PCSK5: variants seen among roughly 807,000 people sequenced by gnomAD.
PCSK5 encodes proprotein convertase subtilisin/kexin type 5.
In PCSK5, 129 loss-of-function variants were observed where a neutral mutation model predicts 233.2. The ratio of observed to expected loss-of-function variants is 0.55; its 90% confidence interval spans 0.48 to 0.64. The LOEUF is 0.64. Ranked by LOEUF, PCSK5 falls within the 30% of genes least tolerant of loss-of-function variation. PCSK5 has a pLI of 0.00. For synonymous variants in PCSK5, 825 were observed against 879.2 expected (o/e 0.94, Z 1.09); for missense variants, 2,076 against 2,430.1 (o/e 0.85, Z 3.06).
intron 5 of PCSK5, among the ~76,000 whole-genome samples, chr9:76,066,739 C>T (rs1384052531): frequency 2.0e-5 from 3 of 152,034 alleles, no homozygotes; most frequent in African/African-American, 7.2e-5. Context: ...TTTATGTAAA[C>T]TTGCATGTGT....
chr9:76,131,619 C>T (rs1312091195), intron 9 of PCSK5, among the ~76,000 whole-genome samples: 1 of 152,096 alleles, frequency 6.6e-6, no homozygotes, highest in East Asian at 1.9e-4. Context: ...CAGGAGGCTT[C>T]CTGAATCTGC....
chr9:76,013,382 T>C (rs536124381), intron 3 of PCSK5, among the ~76,000 whole-genome samples: 28 of 152,354 alleles, frequency 1.8e-4, no homozygotes, highest in Admixed American at 1.5e-3. Flanking sequence ...TTCATATACA[T>C]GCCACCTGTG....
intron 2 of PCSK5, among the ~76,000 whole-genome samples, chr9:75,971,131 C>G (rs996361681): frequency 1.3e-5 from 2 of 151,424 alleles, no homozygotes; most frequent in African/African-American, 2.4e-5. Flanking sequence ...GTTCCCCTCC[C>G]TGTCCATATG....
At chr9:76,239,953 A>G (rs1826379876) in intron 23 of PCSK5, among the ~76,000 whole-genome samples, 1 of 152,188 alleles carries the variant, frequency 6.6e-6, no homozygotes, top group African/African-American at 2.4e-5. Context: ...GAAGCCAGTG[A>G]GGACCAGCCT....
At chr9:76,025,573 G>A (rs907357515) in intron 4 of PCSK5, among the ~76,000 whole-genome samples, 3 of 151,974 alleles carry the variant, frequency 2.0e-5, no homozygotes, top group East Asian at 1.9e-4. Flanking sequence ...ATTTTACCCC[G>A]CATCTGTATT....
intron 12 of PCSK5, 56 bp from the exon 13 acceptor site, chr9:76,169,648 C>A: frequency 3.4e-5 from 54 of 1,567,106 alleles, no homozygotes; most frequent in Non-Finnish European, 4.6e-5. Flanking sequence ...GTGGTATTAA[C>A]TAGACCCTCA....
At chr9:76,157,019 G>A (rs751663927) in intron 10 of PCSK5, 26 bp from the exon 11 acceptor site, 2 of 1,528,950 alleles carry the variant, frequency 1.3e-6, no homozygotes, top group East Asian at 4.5e-5. Flanking sequence ...GCTTAGTGAA[G>A]CTGACCAGTC....
At chr9:75,900,828 TTG>T (rs951157744) in intron 1 of PCSK5, among the ~76,000 whole-genome samples, 2 of 151,832 alleles carry the variant, frequency 1.3e-5, no homozygotes, top group Admixed American at 6.6e-5. Context: ...GTATGTGAAT[TTG>T]TGTGTGTGTG....
intron 5 of PCSK5, among the ~76,000 whole-genome samples, chr9:76,039,485 A>G (rs913333617): frequency 1.4e-3 from 213 of 152,332 alleles, no homozygotes; most frequent in African/African-American, 4.6e-3. Flanking sequence ...CAAGACAGGT[A>G]TTTGGAGGGA....
chr9:76,352,085 G>A (rs867572217), intron 36 of PCSK5, among the ~76,000 whole-genome samples: 6 of 152,204 alleles, frequency 3.9e-5, no homozygotes, highest in Admixed American at 3.9e-4. Flanking sequence ...AGAAAGTAGA[G>A]GGATAAAAGG....
intron 9 of PCSK5, among the ~76,000 whole-genome samples, chr9:76,131,791 T>A (rs1448553933): frequency 6.6e-6 from 1 of 152,110 alleles, no homozygotes; most frequent in African/African-American, 2.4e-5. Context: ...TGGTGACAGG[T>A]AACATGAGAC....
At position 76,302,223 on chromosome 9, in the gene PCSK5, A is replaced by G. The variant is rs548685635; in HGVS notation, c.3604+6A>G. 7.8e-6 allele frequency: 10 copies of G among 1,274,084 alleles called. No individual in the cohort carries two copies. The Admixed American group carries it at 2.0e-4, about 25-fold the overall frequency. The allele number at this position is 1,274,084 out of a possible 1,614,324, so 78.9% of individuals were successfully genotyped here. A position where few individuals can be genotyped will look rare whatever the true frequency, so the allele number is the denominator to read the frequency against. On this transcript the variant is annotated splice_donor_region_variant and intron_variant, in intron 28 of 37. Transcript: ENST00000674117. ...GAAAGTTCAAATCAAAAGAGGTAAC[A>G]GGGAAATAGGGAGGCAACAATCACA...
intron 3 of PCSK5, among the ~76,000 whole-genome samples, chr9:75,994,063 C>G (rs532146224): frequency 2.0e-5 from 3 of 152,204 alleles, no homozygotes; most frequent in African/African-American, 7.2e-5. Flanking sequence ...AACAGCCCAA[C>G]CTTGCACACA....
chr9:75,965,819 G>A (rs1015477804), intron 2 of PCSK5, among the ~76,000 whole-genome samples: 1 of 152,124 alleles, frequency 6.6e-6, no homozygotes, highest in South Asian at 2.1e-4. Flanking sequence ...AAAGCCAGTT[G>A]TTTGCTTTTT....
chr9:76,063,249 C>T (rs1401555857), intron 5 of PCSK5, among the ~76,000 whole-genome samples: 1 of 150,894 alleles, frequency 6.6e-6, no homozygotes, highest in Admixed American at 6.6e-5. Context: ...ATTCTCCCAC[C>T]TTAGCCTCCT....
intron 13 of PCSK5, among the ~76,000 whole-genome samples, chr9:76,172,385 G>C (rs1328015525): frequency 6.6e-6 from 1 of 152,096 alleles, no homozygotes; most frequent in Non-Finnish European, 1.5e-5. Flanking sequence ...AAAAAAAAAT[G>C]ATGGCCCAAA....
intron 1 of PCSK5, among the ~76,000 whole-genome samples, chr9:75,926,776 A>G (rs1045885338): frequency 2.0e-5 from 3 of 152,088 alleles, no homozygotes; most frequent in Admixed American, 2.0e-4. Flanking sequence ...ACTGGGTATC[A>G]TTCTATTATA....
At chr9:76,193,219 T>C (rs780548649) in intron 20 of PCSK5, 12 of 1,611,446 alleles carry the variant, frequency 7.4e-6, no homozygotes, top group East Asian at 4.5e-5. Context: ...CCTTCTCTCT[T>C]GCTGACTTCT....
chr9:76,252,354 C>A (rs7857596), intron 24 of PCSK5, among the ~76,000 whole-genome samples: 3,289 of 152,242 alleles, frequency 0.022, 121 homozygotes, highest in African/African-American at 0.074. Flanking sequence ...CATACTAAAG[C>A]CATCATATTT....
Sources: gnomAD v4.1 joint callset for allele counts (sites outside exome capture counted in the v4.1 genomes callset) on GRCh38, gnomAD v4.1.1 for gene constraint, MANE v1.5 for transcripts, NCBI Gene and HGNC (gene_info 2026-07-23, HGNC 2026-07-21) for gene names.